MRPL4: variants seen among roughly 807,000 people sequenced by gnomAD.
MRPL4 encodes mitochondrial ribosomal protein L4.
A neutral mutation model predicts 34.1 loss-of-function variants in MRPL4; 34 were observed. That is an observed-to-expected ratio of 1.00 (90% CI 0.76 to 1.33). MRPL4 has a LOEUF of 1.33. Among genes scored for constraint, MRPL4 ranks in the 40% most tolerant of loss-of-function variants. The probability of loss-of-function intolerance (pLI) is 0.00; values close to 1 mark genes in which losing one functional copy is unlikely to be tolerated. For synonymous variants in MRPL4, 196 were observed against 188.3 expected, an observed-to-expected ratio of 1.04 and a Z score of -0.33; for missense variants, 402 against 434.6, an observed-to-expected ratio of 0.92 and a Z score of 0.67.
intron 3 of MRPL4, among the ~76,000 whole-genome samples, chr19:10,254,089 G>A (rs2039825696): frequency 6.6e-6 from 1 of 152,116 alleles, no homozygotes; most frequent in Admixed American, 6.6e-5. Context: ...CATGCTCTCA[G>A]CTCACTTCAA....
At position 10,258,477 on chromosome 19, in the gene MRPL4, T is replaced by C; in HGVS notation, c.617T>C (p.Leu206Pro). 6.2e-7 allele frequency: 1 copy of C among 1,613,764 alleles called. No individual in the cohort carries two copies. The highest frequency in any genetic ancestry group is 1.7e-5 in the Admixed American group (1 of 59,964). The change falls in exon 7 of 9, where the codon CTG (leucine) becomes CCG (proline). Residue 206 changes from leucine to proline, a missense_variant. Physicochemically the swap from Leu to Pro is moderately conservative, Grantham distance 98 (BLOSUM62 -3). Transcript: ENST00000253099. ...PTGDPQYLTE[L>P]AHYRRWGDSV... Reference sequence around the variant, plus strand: ...GGAGACCCACAGTACCTGACAGAGCTGGCGCACTACCGCCGCTGGGGGGAC... The same window carrying C: ...GGAGACCCACAGTACCTGACAGAGCCGGCGCACTACCGCCGCTGGGGGGAC...
At chr19:10,258,883 C>G in intron 8 of MRPL4, 198 bp downstream of exon 8, 1 of 1,482,744 alleles carries the variant, frequency 6.7e-7, no homozygotes, top group Non-Finnish European at 8.9e-7. Context: ...CGCTTGTAAT[C>G]CCAGTACTTT....
At position 10,258,678 on chromosome 19, in the gene MRPL4, G is replaced by A. The variant is rs767061478; in HGVS notation, c.732G>A (p.Pro244=). 1.1e-5 allele frequency: 18 copies of A among 1,614,006 alleles called. No homozygotes were observed. The highest frequency in any genetic ancestry group is 4.0e-5 in the African/African-American group (3 of 74,926). ...TSRLKTFNLI[P]AVGLNVHSML... ...GGCTTAAGACCTTCAACTTGATCCC[G>A]GCTGTTGGTGAGCAAAGAGCCCAGG... is the stretch of plus-strand genomic sequence containing the variant. Residue 244 remains proline (P), a synonymous_variant, in exon 8 of 9, where the codon CCG becomes CCA. Coordinates refer to ENST00000253099, the MANE Select transcript of MRPL4 (RefSeq NM_015956.3).
upstream of MRPL4, chr19:10,252,152 G>A (rs1172106164): frequency 2.9e-6 from 4 of 1,385,794 alleles, no homozygotes; most frequent in East Asian, 1.0e-4. Context: ...CCAGCGCGGA[G>A]TCGCGGCGGG....
chr19:10,256,682 G>C (rs2039854282), intron 4 of MRPL4, 26 bp from the exon 5 acceptor site: 1 of 1,602,966 alleles, frequency 6.2e-7, no homozygotes, highest in African/African-American at 1.3e-5. Context: ...TCGTGGACCT[G>C]ACCCCCCTCC....
chr19:10,254,954 A>G lies in MRPL4; in HGVS notation c.327+314A>G, dbSNP rs369766345. ...TGAGTAGCTGGGATTACAGGTGTGC[A>G]CCACCATGCAGGCTAATTTTTGTAT... On this transcript the variant is annotated intron_variant, in intron 4 of 8. Transcript: ENST00000253099. The G allele has an allele frequency of 6.9e-5, 13 of 189,396 alleles. No homozygotes were observed. In the East Asian group the frequency reaches 7.0e-4, roughly 10 times the overall value. 11.7% of individuals were successfully genotyped at this position (189,396 alleles called of 1,614,324 possible).
chr19:10,252,995 G>T, intron 3 of MRPL4: 1 of 406,874 alleles, frequency 2.5e-6, no homozygotes, highest in East Asian at 3.8e-5. Flanking sequence ...TTTTGTCAGC[G>T]GTCGGGAGGT....
chr19:10,254,018 G>C (rs550188626), intron 3 of MRPL4, among the ~76,000 whole-genome samples: 117 of 152,126 alleles, frequency 7.7e-4, no homozygotes, highest in African/African-American at 2.7e-3. Context: ...AAGGAAGAAG[G>C]GGTGGCTTTT....
At chr19:10,253,579 C>T (rs183456494) in intron 3 of MRPL4, among the ~76,000 whole-genome samples, 5 of 151,292 alleles carry the variant, frequency 3.3e-5, no homozygotes, top group African/African-American at 9.7e-5. Flanking sequence ...TCACTTGAAA[C>T]CAGGAGTTGC....
intron 3 of MRPL4, among the ~76,000 whole-genome samples, chr19:10,254,280 G>A (rs2039827418): frequency 1.3e-5 from 2 of 152,196 alleles, no homozygotes; most frequent in Admixed American, 6.5e-5. Context: ...GCCTCCCAAA[G>A]TGCCAGGATT....
intron 8 of MRPL4, chr19:10,259,099 A>AAAC: frequency 2.4e-6 from 1 of 419,064 alleles, no homozygotes; most frequent in African/African-American, 4.9e-5. Flanking sequence ...CTCTTGTCTC[A>AAAC]AAAAAAAAAA....
intron 3 of MRPL4, among the ~76,000 whole-genome samples, chr19:10,253,684 A>G (rs1173798696): frequency 1.3e-5 from 2 of 151,610 alleles, no homozygotes; most frequent in Non-Finnish European, 2.9e-5. Flanking sequence ...CCAGCTACTC[A>G]GGAGGCTGAG....
intron 4 of MRPL4, chr19:10,255,518 G>C (rs2039842075): frequency 1.3e-5 from 2 of 152,674 alleles, no homozygotes; most frequent in African/African-American, 4.8e-5. Context: ...GGAGATAACA[G>C]GAACAGGGTG....
rs116078921 is a variant in MRPL4 at position 10,259,040 on chromosome 19, A to G, written c.739+355A>G. The G allele has an allele frequency of 2.0e-3, 2,698 of 1,373,262 alleles. 39 individuals are homozygous for G. In the African/African-American group the frequency reaches 0.038, roughly 19 times the overall value. 85.1% of individuals were successfully genotyped at this position (1,373,262 alleles called of 1,614,324 possible). On this transcript the variant is annotated intron_variant, in intron 8 of 8. Transcript: ENST00000253099. ...CTTGAGCTCAGGGGGCCAAGGCTGC[A>G]GTGAGTCATGATCGCACCACTGCAC...
chr19:10,256,371 A>G (rs1224040480), intron 4 of MRPL4, among the ~76,000 whole-genome samples: 1 of 151,864 alleles, frequency 6.6e-6, no homozygotes, highest in Non-Finnish European at 1.5e-5. Context: ...GCTTGAATCT[A>G]GGAATCAGAG....
At chr19:10,259,098 CAA>C (rs35481360) in intron 8 of MRPL4, 31,288 of 521,660 alleles carry the variant, frequency 0.06, no homozygotes, top group Middle Eastern at 0.061. Flanking sequence ...ACTCTTGTCT[CAA>C]AAAAAAAAAA....
intron 8 of MRPL4, chr19:10,259,070 A>G: frequency 7.8e-7 from 1 of 1,280,914 alleles, no homozygotes; most frequent in Admixed American, 4.3e-5. Flanking sequence ...CTGCACCCAA[A>G]CCTGGGGAGA....
At chr19:10,253,188 G>A (rs931799605) in intron 3 of MRPL4, among the ~76,000 whole-genome samples, 1 of 152,132 alleles carries the variant, frequency 6.6e-6, no homozygotes, top group African/African-American at 2.4e-5. Context: ...AGAAAATGTA[G>A]GGGCCACCCT....
At chr19:10,258,885 C>G in intron 8 of MRPL4, 200 bp downstream of exon 8, 1 of 1,480,662 alleles carries the variant, frequency 6.8e-7, no homozygotes, top group Non-Finnish European at 8.9e-7. Flanking sequence ...CTTGTAATCC[C>G]AGTACTTTGG....
Sources: gnomAD v4.1 joint callset for allele counts (sites outside exome capture counted in the v4.1 genomes callset) on GRCh38, gnomAD v4.1.1 for gene constraint, MANE v1.5 for transcripts, NCBI Gene and HGNC (gene_info 2026-07-23, HGNC 2026-07-21) for gene names.